The following FHIT variants were observed in gnomAD, a reference collection of about 807,000 sequenced individuals.
FHIT encodes fragile histidine triad diadenosine triphosphatase, also known as bis(5'-adenosyl)-triphosphatase.
A neutral mutation model predicts 17.9 loss-of-function variants in FHIT; 19 were observed. The ratio of observed to expected loss-of-function variants is 1.06; its 90% CI spans 0.74 to 1.56. FHIT has a LOEUF of 1.56. Among genes scored for constraint, FHIT ranks in the 40% most tolerant of loss-of-function variants. The pLI is 0.00. For missense variants in FHIT, 248 were observed against 189.2 expected (o/e 1.31, Z -1.82); for synonymous variants, 81 against 69.7 (o/e 1.16, Z -0.81).
intron 4 of FHIT, among the ~76,000 whole-genome samples, chr3:60,643,785 G>A (rs781819878): frequency 2.6e-4 from 40 of 152,168 alleles, no homozygotes; most frequent in Admixed American, 4.6e-4. Flanking sequence ...AGAAAGGAAC[G>A]AATTGGCAGA....
intron 8 of FHIT, among the ~76,000 whole-genome samples, chr3:59,830,258 T>C (rs1460159262): frequency 6.6e-6 from 1 of 152,174 alleles, no homozygotes; most frequent in African/African-American, 2.4e-5. Context: ...AAATATTTAT[T>C]TTTGTACCTC....
At chr3:60,538,999 C>T (rs932814334) in intron 4 of FHIT, among the ~76,000 whole-genome samples, 8 of 152,034 alleles carry the variant, frequency 5.3e-5, no homozygotes, top group Admixed American at 2.0e-4. Flanking sequence ...TCAGAGTGAA[C>T]AGGCAACCTA....
chr3:60,010,434 A>C (rs1007792962), intron 7 of FHIT, among the ~76,000 whole-genome samples: 1 of 152,268 alleles, frequency 6.6e-6, no homozygotes, highest in Admixed American at 6.5e-5. Flanking sequence ...TAAAAGTCCC[A>C]GAATAGCTGT....
chr3:60,068,356 A>T (rs1025311704), intron 5 of FHIT, among the ~76,000 whole-genome samples: 1 of 152,256 alleles, frequency 6.6e-6, no homozygotes, highest in African/African-American at 2.4e-5. Context: ...TTAACAGCAC[A>T]GTTTAAGTGG....
intron 3 of FHIT, among the ~76,000 whole-genome samples, chr3:60,927,152 G>A (rs1157865488): frequency 6.6e-6 from 1 of 152,174 alleles, no homozygotes; most frequent in Non-Finnish European, 1.5e-5. Context: ...GGCGTGCGCT[G>A]CTAAGCCTGA....
At chr3:59,855,714 A>T (rs1362451797) in intron 8 of FHIT, among the ~76,000 whole-genome samples, 1 of 152,122 alleles carries the variant, frequency 6.6e-6, no homozygotes, top group Non-Finnish European at 1.5e-5. Flanking sequence ...ATAGAAAAAT[A>T]TTTTCTAGAA....
intron 5 of FHIT, among the ~76,000 whole-genome samples, chr3:60,482,660 C>T (rs139839219): frequency 1.8e-3 from 281 of 152,038 alleles, no homozygotes; most frequent in African/African-American, 6.1e-3. Flanking sequence ...TCAGAATCTC[C>T]GGGACACAGA....
intron 8 of FHIT, among the ~76,000 whole-genome samples, chr3:59,845,433 T>C (rs1485993648): frequency 6.6e-6 from 1 of 152,134 alleles, no homozygotes; most frequent in Admixed American, 6.6e-5. Context: ...TTCCCCTTAG[T>C]ACTGTTTTCA....
intron 3 of FHIT, among the ~76,000 whole-genome samples, chr3:60,882,048 G>C (rs879966018): frequency 5.3e-5 from 8 of 151,728 alleles, no homozygotes; most frequent in Non-Finnish European, 1.0e-4. Flanking sequence ...GAAACAAAAA[G>C]AGAGACCTTA....
intron 7 of FHIT, among the ~76,000 whole-genome samples, chr3:59,974,569 T>C (rs1708328363): frequency 6.6e-6 from 1 of 152,118 alleles, no homozygotes; most frequent in African/African-American, 2.4e-5. Flanking sequence ...TACTGTGACA[T>C]TTAAGTGGCA....
chr3:59,870,004 T>C (rs1337070206), intron 8 of FHIT, among the ~76,000 whole-genome samples: 1 of 152,164 alleles, frequency 6.6e-6, no homozygotes, highest in East Asian at 1.9e-4. Context: ...TCAGCTATAT[T>C]ATCATTAATC....
intron 3 of FHIT, among the ~76,000 whole-genome samples, chr3:60,985,528 C>G (rs1470988810): frequency 6.6e-6 from 1 of 152,150 alleles, no homozygotes; most frequent in East Asian, 1.9e-4. Context: ...AAAAAACAAG[C>G]ATGTGACCTA....
chr3:60,121,985 G>C (rs1429876048), intron 5 of FHIT, among the ~76,000 whole-genome samples: 2 of 152,072 alleles, frequency 1.3e-5, no homozygotes, highest in East Asian at 3.8e-4. Context: ...GGCCTGCTAA[G>C]TATAATCTGC....
chr3:59,949,374 T>A (rs528338433), intron 7 of FHIT, among the ~76,000 whole-genome samples: 4 of 152,338 alleles, frequency 2.6e-5, no homozygotes, highest in Admixed American at 2.6e-4. Flanking sequence ...TGATTTGTCA[T>A]CACTCAGTGT....
chr3:60,829,412 T>C (rs1702239108), intron 3 of FHIT, among the ~76,000 whole-genome samples: 1 of 152,190 alleles, frequency 6.6e-6, no homozygotes, highest in Admixed American at 6.5e-5. Context: ...ACAACCAAAT[T>C]TAGTTTATTC....
At chr3:60,294,961 C>T (rs370935495) in intron 5 of FHIT, among the ~76,000 whole-genome samples, 2 of 152,172 alleles carry the variant, frequency 1.3e-5, no homozygotes, top group East Asian at 1.9e-4. Context: ...TAGTTTTTGG[C>T]CATTATGAAT....
chr3:60,640,453 A>G (rs2039698843), intron 4 of FHIT, among the ~76,000 whole-genome samples: 1 of 152,196 alleles, frequency 6.6e-6, no homozygotes, highest in African/African-American at 2.4e-5. Context: ...AGTGAACAGG[A>G]AATTTCTGGG....
At chr3:60,001,294 T>C (rs530168646) in intron 7 of FHIT, among the ~76,000 whole-genome samples, 343 of 152,310 alleles carry the variant, frequency 2.3e-3, no homozygotes, top group Non-Finnish European at 4.2e-3. Flanking sequence ...AATATGTTAA[T>C]ATTAACTATA....
intron 7 of FHIT, among the ~76,000 whole-genome samples, chr3:59,959,453 C>T (rs908373948): frequency 6.6e-6 from 1 of 152,150 alleles, no homozygotes; most frequent in African/African-American, 2.4e-5. Flanking sequence ...GACTTGAAAT[C>T]TATGTTCTTA....
Sources: gnomAD v4.1 joint callset for allele counts (sites outside exome capture counted in the v4.1 genomes callset) on GRCh38, gnomAD v4.1.1 for gene constraint, MANE v1.5 for transcripts, NCBI Gene and HGNC (gene_info 2026-07-23, HGNC 2026-07-21) for gene names.